The following LRP1B variants were observed in gnomAD, a reference collection of about 807,000 sequenced individuals.
The protein encoded by LRP1B is LDL receptor related protein 1B, also known as low-density lipoprotein receptor-related protein 1B.
LRP1B carries 217 observed loss-of-function variants against 556.6 expected under a neutral mutation model. The ratio of observed to expected loss-of-function variants is 0.39; its 90% CI spans 0.35 to 0.44. The LOEUF (loss-of-function observed/expected upper bound fraction) is 0.44, where lower values mean the gene tolerates loss of function less well. Among genes scored for constraint, LRP1B ranks in the 20% least tolerant of loss-of-function variants. The pLI is 1.00. For synonymous variants in LRP1B, 2,047 were observed against 1,865.8 expected (o/e 1.10, Z -2.50); for missense variants, 5,053 against 5,620.8 (o/e 0.90, Z 3.23).
At chr2:141,471,371 C>G (rs1239916079) in intron 3 of LRP1B, among the ~76,000 whole-genome samples, 1 of 149,574 alleles carries the variant, frequency 6.7e-6, no homozygotes, top group South Asian at 2.1e-4. Context: ...TGTAACTCCT[C>G]TTGGTCTATT....
At chr2:140,824,125 A>T (rs1691424057) in intron 31 of LRP1B, among the ~76,000 whole-genome samples, 2 of 55,660 alleles carry the variant, frequency 3.6e-5, no homozygotes, top group African/African-American at 7.6e-5. Flanking sequence ...GGAATTTAAA[A>T]AAATAAAAAA....
intron 1 of LRP1B, among the ~76,000 whole-genome samples, chr2:141,872,458 A>C (rs969991248): frequency 6.6e-6 from 1 of 151,996 alleles, no homozygotes; most frequent in African/African-American, 2.4e-5. Context: ...GAGAGCAAAA[A>C]GCATATGAAA....
chr2:142,014,492 G>A (rs1703058076), intron 1 of LRP1B, among the ~76,000 whole-genome samples: 1 of 152,160 alleles, frequency 6.6e-6, no homozygotes, highest in Non-Finnish European at 1.5e-5. Context: ...AACTTTGAGA[G>A]TGAGTACTGC....
At chr2:141,488,803 GA>G (rs1683212490) in intron 2 of LRP1B, among the ~76,000 whole-genome samples, 1 of 151,990 alleles carries the variant, frequency 6.6e-6, no homozygotes, top group South Asian at 2.1e-4. Context: ...TTATTAAATT[GA>G]AGATCCTATG....
intron 2 of LRP1B, among the ~76,000 whole-genome samples, chr2:141,554,924 G>T (rs560561316): frequency 2.1e-4 from 32 of 152,046 alleles, no homozygotes; most frequent in Admixed American, 6.6e-4. Context: ...ACTCTGTGGT[G>T]TATCAAGTTC....
intron 1 of LRP1B, among the ~76,000 whole-genome samples, chr2:141,993,172 G>C (rs961489897): frequency 1.3e-5 from 2 of 152,088 alleles, no homozygotes; most frequent in Non-Finnish European, 2.9e-5. Flanking sequence ...GGGGTAGCAA[G>C]TGTTTAGAAA....
intron 21 of LRP1B, 21 bp downstream of exon 21, chr2:140,922,944 C>A (rs374079936): frequency 1.9e-6 from 3 of 1,603,652 alleles, no homozygotes; most frequent in Non-Finnish European, 2.6e-6. Context: ...CCAATAGAAG[C>A]CAAAAGCAAT....
intron 2 of LRP1B, among the ~76,000 whole-genome samples, chr2:141,616,057 G>A (rs1231294710): frequency 6.6e-6 from 1 of 152,146 alleles, no homozygotes; most frequent in Non-Finnish European, 1.5e-5. Context: ...GCCGAGATGG[G>A]CGGACCACGA....
At chr2:141,188,666 C>T in intron 6 of LRP1B, 83 bp from the exon 7 acceptor site, 2 of 1,221,614 alleles carry the variant, frequency 1.6e-6, no homozygotes, top group Non-Finnish European at 2.3e-6. Flanking sequence ...GTTTCCAAAC[C>T]ATCATAGAGG....
intron 41 of LRP1B, among the ~76,000 whole-genome samples, chr2:140,675,848 T>C (rs1259312875): frequency 6.6e-6 from 1 of 152,174 alleles, no homozygotes; most frequent in Admixed American, 6.6e-5. Context: ...GTACATATAT[T>C]GTAATTGCCT....
intron 2 of LRP1B, among the ~76,000 whole-genome samples, chr2:141,797,537 T>C (rs574234296): frequency 2.0e-5 from 3 of 152,154 alleles, no homozygotes; most frequent in Non-Finnish European, 4.4e-5. Context: ...CTTCTTTTGG[T>C]ATATATTTTC....
intron 41 of LRP1B, among the ~76,000 whole-genome samples, chr2:140,630,011 C>T (rs1033571134): frequency 6.6e-6 from 1 of 152,172 alleles, no homozygotes; most frequent in Non-Finnish European, 1.5e-5. Context: ...CTGTTTGGGC[C>T]ATTCACATTT....
intron 7 of LRP1B, among the ~76,000 whole-genome samples, chr2:141,134,287 C>T (rs761931106): frequency 3.4e-4 from 51 of 151,832 alleles, no homozygotes; most frequent in Non-Finnish European, 4.0e-4. Flanking sequence ...CCATTCTCCA[C>T]ATTCCATTAT....
chr2:141,287,637 G>A (rs1685770721), intron 3 of LRP1B, among the ~76,000 whole-genome samples: 1 of 151,968 alleles, frequency 6.6e-6, no homozygotes, highest in African/African-American at 2.4e-5. Flanking sequence ...TAGAATTGTT[G>A]TTTAATTGGC....
chr2:141,818,202 G>A (rs1232701984), intron 1 of LRP1B, among the ~76,000 whole-genome samples: 4 of 152,126 alleles, frequency 2.6e-5, no homozygotes, highest in African/African-American at 9.7e-5. Flanking sequence ...ATTACCAGGA[G>A]AACAGAATTC....
intron 20 of LRP1B, among the ~76,000 whole-genome samples, chr2:140,949,065 C>A (rs1345050546): frequency 6.6e-6 from 1 of 152,164 alleles, no homozygotes; most frequent in Admixed American, 6.5e-5. Context: ...GTGTAAAACA[C>A]TTTGAAAATG....
chr2:141,295,212 G>T (rs1371146815), intron 3 of LRP1B, among the ~76,000 whole-genome samples: 1 of 152,076 alleles, frequency 6.6e-6, no homozygotes, highest in African/African-American at 2.4e-5. Flanking sequence ...TTACCTTGGG[G>T]ATATCCCCTT....
chr2:140,770,777 T>G, intron 34 of LRP1B, 104 bp downstream of exon 34: 3 of 909,888 alleles, frequency 3.3e-6, no homozygotes, highest in Non-Finnish European at 4.7e-6. Flanking sequence ...AACTAGTTAA[T>G]TTTTTTCTAA....
chr2:141,137,258 T>C (rs1409720003), intron 7 of LRP1B, among the ~76,000 whole-genome samples: 2 of 151,948 alleles, frequency 1.3e-5, no homozygotes, highest in African/African-American at 4.8e-5. Flanking sequence ...GGTTATATGT[T>C]AGTTACAGAG....
Sources: gnomAD v4.1 joint callset for allele counts (sites outside exome capture counted in the v4.1 genomes callset) on GRCh38, gnomAD v4.1.1 for gene constraint, MANE v1.5 for transcripts, NCBI Gene and HGNC (gene_info 2026-07-23, HGNC 2026-07-21) for gene names.